Variants in DNAH12 observed in about 807,000 individuals in gnomAD.
DNAH12 encodes the protein dynein axonemal heavy chain 12, also known as axonemal beta dynein heavy chain 12.
DNAH12 carries 285 observed loss-of-function variants against 371.5 expected under a neutral mutation model. The observed-to-expected ratio is 0.77, with a 90% CI of 0.70 to 0.85. DNAH12 has a LOEUF of 0.85. DNAH12 is among the 40% of genes least tolerant of loss of function. The pLI is 0.00. For missense variants in DNAH12, 3,611 were observed against 3,689.4 expected (o/e 0.98, Z 0.55); for synonymous variants, 1,200 against 1,213.0 (o/e 0.99, Z 0.22).
chr3:57,520,993 G>A (rs1351450262), intron 4 of DNAH12, among the ~76,000 whole-genome samples: 1 of 147,364 alleles, frequency 6.8e-6, no homozygotes. Context: ...GATCTGGGGA[G>A]GTGGAGGTTG....
chr3:57,483,255 G>GT, intron 13 of DNAH12, 121 bp downstream of exon 13: 1 of 1,182,846 alleles, frequency 8.5e-7, no homozygotes, highest in Non-Finnish European at 1.2e-6. Context: ...GGCCTAGGTG[G>GT]TGGCAATATA....
At chr3:57,350,362 C>G (rs572826009) in intron 60 of DNAH12, among the ~76,000 whole-genome samples, 1 of 152,072 alleles carries the variant, frequency 6.6e-6, no homozygotes, top group Non-Finnish European at 1.5e-5. Context: ...ATTAATGGAA[C>G]TGAATAGACA....
At chr3:57,406,950 G>C (rs1329759517) in intron 40 of DNAH12, among the ~76,000 whole-genome samples, 2 of 151,998 alleles carry the variant, frequency 1.3e-5, no homozygotes, top group Admixed American at 6.6e-5. Flanking sequence ...CCCCGCTGGA[G>C]TGCAGTGGTG....
At chr3:57,396,290 C>CAAAAAAAAAAAAAA (rs1159748997) in intron 43 of DNAH12, among the ~76,000 whole-genome samples, 164 of 67,452 alleles carry the variant, frequency 2.4e-3, no homozygotes, top group East Asian at 3.1e-3. Context: ...AAAAAAAAAA[C>CAAAAAAAAAAAAAA]AAAAAAAAAA....
rs1347143864 is a variant in DNAH12, at chr3:57,477,139, G to A, written c.1651-4468C>T. On this transcript the variant is annotated intron_variant, in intron 13 of 73. Transcript: ENST00000495027. The stretch of plus-strand genomic sequence containing the variant: ...AGCAGGGTGAGGCATCGCCTCACCT[G>A]GGGAGTGCAAGGGGTCAGAGAATTC... Among the ~76,000 whole-genome samples the A allele has an allele frequency of 2.0e-5, 3 of 152,190 alleles. 1 individual carries two copies. The highest frequency in any genetic ancestry group is 4.8e-5 in the African/African-American group (2 of 41,446).
chr3:57,493,585 T>C (rs1036335993), intron 11 of DNAH12: 1 of 151,912 alleles, frequency 6.6e-6, no homozygotes, highest in Non-Finnish European at 1.5e-5. Flanking sequence ...CATGAACCCA[T>C]AAAAACCAAA....
At chr3:57,520,488 G>C (rs2068383540) in intron 4 of DNAH12, among the ~76,000 whole-genome samples, 1 of 147,636 alleles carries the variant, frequency 6.8e-6, no homozygotes, top group South Asian at 2.1e-4. Flanking sequence ...TGTCACCCAG[G>C]CTGGAGTGAA....
Position 57,403,311 on chromosome 3 carries a change from T to A in DNAH12, c.6946A>T (p.Lys2316Ter). The change falls in exon 43 of 74, where the codon AAG (lysine) becomes TAG (stop). Residue 2316 changes from lysine (K) to a stop codon, truncating the protein, a stop_gained and splice_region_variant. Coordinates refer to ENST00000495027, the MANE Select transcript of DNAH12 (RefSeq NM_001366028.2). LOFTEE classifies it high-confidence loss of function. ...YGMNEWREDM[K>*]GLLRNVGMKG... ...ACTAGGCTTCTTCATAATTTTACCT[T>A]CATATCCTCTCTCCATTCATTCATA... The A allele has an allele frequency of 6.5e-7, 1 of 1,541,342 alleles. No homozygotes were observed. The highest frequency in any genetic ancestry group is 1.4e-5 in the African/African-American group (1 of 72,426).
At chr3:57,393,558 G>A (rs1180455321) in intron 44 of DNAH12, among the ~76,000 whole-genome samples, 8 of 149,310 alleles carry the variant, frequency 5.4e-5, no homozygotes, top group Admixed American at 1.3e-4. Context: ...CCCGGGAGGC[G>A]GAGGTTGCAG....
intron 4 of DNAH12, chr3:57,520,064 T>G (rs2153397175): frequency 1.9e-6 from 1 of 518,258 alleles, no homozygotes; most frequent in Non-Finnish European, 3.4e-6. Context: ...CCGGAGGCTG[T>G]GGCGGCTCTG....
intron 66 of DNAH12, among the ~76,000 whole-genome samples, chr3:57,312,219 C>T (rs2061596687): frequency 6.6e-6 from 1 of 151,958 alleles, no homozygotes. Context: ...GGAAGAGAGG[C>T]GTCAAGAGAT....
intron 69 of DNAH12, among the ~76,000 whole-genome samples, chr3:57,307,135 T>C (rs2061488918): frequency 1.3e-5 from 2 of 152,178 alleles, no homozygotes; most frequent in Non-Finnish European, 2.9e-5. Flanking sequence ...TAAAAACACA[T>C]GTGCTCTCCC....
intron 69 of DNAH12, among the ~76,000 whole-genome samples, chr3:57,303,315 G>A (rs1464863716): frequency 6.9e-6 from 1 of 145,958 alleles, no homozygotes; most frequent in East Asian, 2.0e-4. Flanking sequence ...CTCCAGCCTG[G>A]GCGACAGAGC....
intron 4 of DNAH12, among the ~76,000 whole-genome samples, chr3:57,513,776 C>T (rs992539197): frequency 1.8e-4 from 27 of 152,120 alleles, no homozygotes; most frequent in African/African-American, 6.5e-4. Context: ...ATCAGATTGA[C>T]AAAAATTTTT....
Position 57,302,171 on chromosome 3 carries a change from T to C in DNAH12, c.11190-232A>G, listed in dbSNP as rs2061360931. On this transcript the variant is annotated intron_variant, in intron 69 of 73. Transcript: ENST00000495027. ...TATAGAAAGTAATACAACTAGCATA[T>C]CAAAATTTTTGCTTTCTGGCTATTT... Among the ~76,000 whole-genome samples, 7 of 152,226 alleles carry C rather than the reference T, an allele frequency of 4.6e-5. No homozygotes were observed. In the South Asian group the frequency reaches 1.4e-3, roughly 32 times the overall value.
rs2065015203 is a variant in DNAH12 at position 57,433,442 on chromosome 3, T to C, written c.4905A>G (p.Lys1635=). ...EFALSETPDR[K]WVVFDGPIDT... ...CAATAGGACCATCAAATACAACCCA[T>C]TTCCGGTCAGGTGTTTCTGATAAGG... Residue 1635 remains lysine, a synonymous_variant, in exon 32 of 74, where the codon AAA becomes AAG. Coordinates refer to ENST00000495027, the MANE Select transcript of DNAH12 (RefSeq NM_001366028.2). 1.3e-6 allele frequency: 2 copies of C among 1,551,414 alleles called. No homozygotes were observed. Among genetic ancestry groups the C allele is most frequent in the African/African-American group, 1.4e-5 (1 of 73,030 alleles).
chr3:57,361,778 CAAT>C (rs2062942241), intron 58 of DNAH12, among the ~76,000 whole-genome samples: 1 of 151,916 alleles, frequency 6.6e-6, no homozygotes, highest in Admixed American at 6.6e-5. Flanking sequence ...TTTACCTATC[CAAT>C]AATAATACCT....
Position 57,502,339 on chromosome 3 carries a change from C to A in DNAH12, c.1227G>T (p.Lys409Asn). 1 of 1,614,060 alleles carries A rather than the reference C, an allele frequency of 6.2e-7. No individual in the cohort carries two copies. The highest frequency in any genetic ancestry group is 1.1e-5 in the South Asian group (1 of 91,074). Residue 409 changes from lysine to asparagine, a missense_variant, in exon 10 of 74, where the codon AAG becomes AAT. Lys to Asn is a moderately conservative substitution (Grantham distance 94). This residue lies in a region of DNAH12 where 1,314 missense variants were observed against 1,398.7 expected (regional missense o/e 0.94). Coordinates refer to ENST00000495027, the MANE Select transcript of DNAH12 (RefSeq NM_001366028.2). ...AVHRNLEGAR[K>N]HYETYVEKYN... ...CATACACACCATATGTCTCATAATG[C>A]TTTCTTGCACCTTCTAAGTTCCGAT...
intron 11 of DNAH12, among the ~76,000 whole-genome samples, chr3:57,489,975 C>A (rs1254942291): frequency 6.6e-6 from 1 of 152,004 alleles, no homozygotes; most frequent in Non-Finnish European, 1.5e-5. Flanking sequence ...AAAATTATCC[C>A]CAGAGTCAAC....
Sources: gnomAD v4.1 joint callset for allele counts (sites outside exome capture counted in the v4.1 genomes callset) on GRCh38, gnomAD v4.1.1 for gene constraint, gnomAD v4.1.1 regional missense constraint, MANE v1.5 for transcripts, NCBI Gene and HGNC (gene_info 2026-07-23, HGNC 2026-07-21) for gene names.